Variants in ANKRD55 observed in about 807,000 individuals in gnomAD.
ANKRD55 encodes ankyrin repeat domain-containing protein 55.
A neutral mutation model predicts 60.6 loss-of-function variants in ANKRD55; 41 were observed. The observed-to-expected ratio is 0.68, with a 90% CI of 0.53 to 0.88. ANKRD55 has a LOEUF of 0.88. Ranked by LOEUF, ANKRD55 falls within the 40% of genes least tolerant of loss-of-function variation. ANKRD55 has a pLI of 0.00. For synonymous variants in ANKRD55, 264 were observed against 290.3 expected (o/e 0.91, Z 0.92); for missense variants, 732 against 767.6 (o/e 0.95, Z 0.55).
chr5:56,150,132 G>T (rs779634873), intron 6 of ANKRD55, among the ~76,000 whole-genome samples: 1 of 151,998 alleles, frequency 6.6e-6, no homozygotes, highest in African/African-American at 2.4e-5. Context: ...GAGCCACTGC[G>T]CCCGGCCTAT....
intron 7 of ANKRD55, among the ~76,000 whole-genome samples, chr5:56,136,232 A>G (rs538615408): frequency 2.7e-4 from 41 of 152,378 alleles, no homozygotes; most frequent in African/African-American, 9.6e-4. Context: ...GAAATACCAG[A>G]AACTTATCTT....
intron 6 of ANKRD55, among the ~76,000 whole-genome samples, chr5:56,151,281 T>C (rs905830694): frequency 4.6e-5 from 7 of 152,234 alleles, no homozygotes; most frequent in Non-Finnish European, 1.0e-4. Flanking sequence ...TAAAAAATTC[T>C]AATTGGTATA....
intron 7 of ANKRD55, chr5:56,137,015 A>G (rs1430900058): frequency 1.4e-5 from 10 of 708,992 alleles, no homozygotes; most frequent in Admixed American, 1.3e-4. Flanking sequence ...GAGCCCCACA[A>G]AATCATGCAA....
intron 2 of ANKRD55, among the ~76,000 whole-genome samples, chr5:56,202,258 C>G (rs1054871311): frequency 6.6e-6 from 1 of 151,892 alleles, no homozygotes; most frequent in South Asian, 2.1e-4. Flanking sequence ...ACACATTTAC[C>G]TATGTAACAA....
At chr5:56,116,290 G>A (rs1756885020) in intron 9 of ANKRD55, among the ~76,000 whole-genome samples, 2 of 152,252 alleles carry the variant, frequency 1.3e-5, no homozygotes, top group South Asian at 4.1e-4. Flanking sequence ...ATCAAATTAG[G>A]CAAAAGAGGG....
At chr5:56,188,223 T>C (rs955151789) in intron 2 of ANKRD55, among the ~76,000 whole-genome samples, 3 of 152,068 alleles carry the variant, frequency 2.0e-5, no homozygotes, top group Non-Finnish European at 4.4e-5. Context: ...GTTTGATATG[T>C]TGACTGGGGT....
intron 4 of ANKRD55, among the ~76,000 whole-genome samples, chr5:56,175,507 T>C (rs1224983343): frequency 6.6e-6 from 1 of 151,972 alleles, no homozygotes; most frequent in Non-Finnish European, 1.5e-5. Flanking sequence ...GAGGAGAGGG[T>C]CTTGAGGATT....
At position 56,112,511 on chromosome 5, in the gene ANKRD55, A is replaced by AAAAAAAAAAAAAAAAAAC; in HGVS notation, c.966-730_966-729insGTTTTTTTTTTTTTTTTT. Among the ~76,000 whole-genome samples, 185 of 81,288 alleles carry AAAAAAAAAAAAAAAAAAC rather than the reference A, an allele frequency of 2.3e-3. 3 individuals carry two copies. The highest frequency in any genetic ancestry group is 3.8e-3 in the African/African-American group (70 of 18,494). The allele number at this position is 81,288 out of a possible 152,430, so 53.3% of individuals were successfully genotyped here. A position where few individuals can be genotyped will look rare whatever the true frequency, so the allele number is the denominator to read the frequency against. ...GCAGGATCTCATCTCTAGCAAAAAAAAAAAAAAAAAACAACCAAGGAAAGA... is the reference window on the plus strand; with the variant it reads ...GCAGGATCTCATCTCTAGCAAAAAAAAAAAAAAAAAAAAAAAACAAAAAAAAAAACAACCAAGGAAAGA... On this transcript the variant is annotated intron_variant, in intron 9 of 11. Transcript: ENST00000341048.
intron 3 of ANKRD55, among the ~76,000 whole-genome samples, chr5:56,177,323 T>G (rs1952610247): frequency 6.6e-6 from 1 of 152,158 alleles, no homozygotes; most frequent in Admixed American, 6.5e-5. Context: ...GTGCTATGTC[T>G]TAAAATAGTT....
At chr5:56,120,382 T>C (rs1361584257) in intron 8 of ANKRD55, among the ~76,000 whole-genome samples, 1 of 152,176 alleles carries the variant, frequency 6.6e-6, no homozygotes, top group Non-Finnish European at 1.5e-5. Context: ...CTGATCTCTA[T>C]ACATATTTTC....
chr5:56,135,281 TGCC>T (rs1757540702), intron 7 of ANKRD55, among the ~76,000 whole-genome samples: 4 of 47,202 alleles, frequency 8.5e-5, no homozygotes, highest in African/African-American at 4.5e-4. Context: ...CCTCCCTCCC[TGCC>T]TGCCTGCTTG....
At chr5:56,173,578 CTCTCTATATATATA>C (rs1387981177) in intron 4 of ANKRD55, among the ~76,000 whole-genome samples, 1 of 71,664 alleles carries the variant, frequency 1.4e-5, no homozygotes, top group African/African-American at 6.0e-5. Flanking sequence ...CTCTCTCTCT[CTCTCTATATATATA>C]TATATATATA....
chr5:56,231,011 A>G (rs1760238862), intron 2 of ANKRD55, among the ~76,000 whole-genome samples: 1 of 152,240 alleles, frequency 6.6e-6, no homozygotes, highest in Non-Finnish European at 1.5e-5. Flanking sequence ...CAACCCTGCT[A>G]GGTAAGCATC....
intron 5 of ANKRD55, among the ~76,000 whole-genome samples, chr5:56,160,331 C>T (rs1015333992): frequency 2.6e-5 from 4 of 152,218 alleles, no homozygotes; most frequent in Admixed American, 1.3e-4. Context: ...CTCCGCCTCC[C>T]GGATTAGCAC....
intron 9 of ANKRD55, among the ~76,000 whole-genome samples, chr5:56,115,323 AT>A (rs534617384): frequency 0.074 from 10,420 of 141,596 alleles, 864 homozygotes; most frequent in African/African-American, 0.2. Context: ...ACTTTATTCT[AT>A]TTTTTTTTTT....
chr5:56,107,435 T>G (rs555389598), intron 10 of ANKRD55, among the ~76,000 whole-genome samples: 6 of 152,334 alleles, frequency 3.9e-5, no homozygotes, highest in African/African-American at 1.2e-4. Flanking sequence ...CCACGTTTAT[T>G]GAATTTCTTT....
intron 7 of ANKRD55, among the ~76,000 whole-genome samples, chr5:56,143,253 T>G (rs1757816290): frequency 6.6e-6 from 1 of 152,230 alleles, no homozygotes; most frequent in African/African-American, 2.4e-5. Context: ...CATTAGTGAT[T>G]ATTATTCTTT....
At chr5:56,106,291 A>G (rs748081622) in intron 10 of ANKRD55, among the ~76,000 whole-genome samples, 1 of 152,126 alleles carries the variant, frequency 6.6e-6, no homozygotes, top group African/African-American at 2.4e-5. Flanking sequence ...ACTTTCACAT[A>G]AAGTTTCAAC....
At chr5:56,118,740 T>G (rs984723065) in intron 8 of ANKRD55, among the ~76,000 whole-genome samples, 2 of 152,158 alleles carry the variant, frequency 1.3e-5, no homozygotes, top group African/African-American at 4.8e-5. Context: ...AATAGACATT[T>G]CGTCAAAGAA....
Sources: allele counts gnomAD v4.1 joint callset (sites outside exome capture counted in the v4.1 genomes callset), GRCh38; gene constraint gnomAD v4.1.1; transcripts MANE v1.5; gene names NCBI Gene and HGNC (gene_info 2026-07-23, HGNC 2026-07-21).